The following FBXL13 variants were observed in gnomAD, a reference collection of about 807,000 sequenced individuals.
The protein encoded by FBXL13 is F-box and leucine rich repeat protein 13, also known as F-box and leucine-rich repeat protein 13.
In FBXL13, 67 loss-of-function variants were observed where a neutral mutation model predicts 83.6. The ratio of observed to expected loss-of-function variants is 0.80; its 90% CI spans 0.66 to 0.98. The LOEUF (loss-of-function observed/expected upper bound fraction) is 0.98. FBXL13 is among the 50% of genes least tolerant of loss of function. The probability of loss-of-function intolerance (pLI) is 0.00; values close to 1 mark genes in which losing one functional copy is unlikely to be tolerated. For missense variants in FBXL13, 822 were observed against 866.5 expected (o/e 0.95, Z 0.64); for synonymous variants, 272 against 299.5 (o/e 0.91, Z 0.95).
At chr7:103,025,259 T>C (rs188851962) in intron 5 of FBXL13, 29 bp from the exon 7 acceptor site, 5 of 1,457,528 alleles carry the variant, frequency 3.4e-6, no homozygotes, top group East Asian at 4.7e-5. Flanking sequence ...TAAAATTCCA[T>C]GGAATTGCTG....
At chr7:103,046,905 T>A (rs1391928366) in intron 2 of FBXL13, 1 of 152,262 alleles carries the variant, frequency 6.6e-6, no homozygotes, top group African/African-American at 2.4e-5. Context: ...CAAAGTTTTG[T>A]TGCAGTGTGG....
At chr7:102,885,340 A>T (rs372230839) in intron 11 of FBXL13, among the ~76,000 whole-genome samples, 1 of 151,962 alleles carries the variant, frequency 6.6e-6, no homozygotes, top group East Asian at 1.9e-4. Flanking sequence ...CTCCATTGTG[A>T]TTTTCATTTG....
chr7:102,942,192 T>TC, intron 8 of FBXL13: 1 of 849,556 alleles, frequency 1.2e-6, no homozygotes, highest in Non-Finnish European at 1.9e-6. Context: ...CCAAGCACTT[T>TC]CCTAGAACAA....
intron 8 of FBXL13, among the ~76,000 whole-genome samples, chr7:102,957,621 T>C (rs1384316274): frequency 3.3e-5 from 5 of 152,078 alleles, no homozygotes; most frequent in African/African-American, 1.2e-4. Context: ...GAGAAAATTT[T>C]TGCAATCTAC....
At chr7:102,837,610 T>C (rs1296925416) in intron 17 of FBXL13, among the ~76,000 whole-genome samples, 2 of 152,112 alleles carry the variant, frequency 1.3e-5, no homozygotes, top group African/African-American at 4.8e-5. Flanking sequence ...GGCTGGAGCA[T>C]AGCAGCATGA....
At chr7:102,886,007 T>G (rs1018945868) in intron 11 of FBXL13, among the ~76,000 whole-genome samples, 2 of 152,264 alleles carry the variant, frequency 1.3e-5, no homozygotes, top group Non-Finnish European at 2.9e-5. Context: ...AGTGCCATAC[T>G]GTTTCAATTA....
chr7:102,934,097 G>A (rs749093138), intron 8 of FBXL13: 3 of 1,614,144 alleles, frequency 1.9e-6, no homozygotes, highest in Non-Finnish European at 2.5e-6. Context: ...ATATCTCCAT[G>A]AGAAATACTT....
chr7:102,910,446 C>T (rs115248731), intron 11 of FBXL13, among the ~76,000 whole-genome samples: 2,390 of 150,960 alleles, frequency 0.016, 63 homozygotes, highest in African/African-American at 0.055. Flanking sequence ...GTGCTGTATG[C>T]GATGCCTGGG....
At chr7:102,966,463 A>G (rs1825974332) in intron 7 of FBXL13, among the ~76,000 whole-genome samples, 1 of 152,206 alleles carries the variant, frequency 6.6e-6, no homozygotes, top group South Asian at 2.1e-4. Context: ...TGGAAAACCT[A>G]CAAAGAAGAA....
At chr7:102,887,144 A>G (rs10271157) in intron 11 of FBXL13, among the ~76,000 whole-genome samples, 74,663 of 152,002 alleles carry the variant, frequency 0.49, 20,904 homozygotes, top group African/African-American at 0.78. Context: ...AGAAAAAGTT[A>G]ATTATATAAG....
intron 4 of FBXL13, 94 bp downstream of exon 5, chr7:103,028,506 G>T: frequency 1.2e-6 from 1 of 826,072 alleles, no homozygotes. Flanking sequence ...AAAATGATAG[G>T]TTCTCTAAGT....
chr7:102,985,421 G>T (rs1217472924), intron 6 of FBXL13, among the ~76,000 whole-genome samples: 1 of 152,180 alleles, frequency 6.6e-6, no homozygotes, highest in East Asian at 1.9e-4. Context: ...GATATTGTGG[G>T]AAGGTACAAA....
At chr7:103,057,583 T>G (rs1456849248) in intron 1 of FBXL13, among the ~76,000 whole-genome samples, 1 of 152,208 alleles carries the variant, frequency 6.6e-6, no homozygotes, top group East Asian at 1.9e-4. Flanking sequence ...ATCTACCGAG[T>G]ATATACATTT....
chr7:102,960,677 A>C (rs1241053138), intron 8 of FBXL13, among the ~76,000 whole-genome samples: 1 of 152,198 alleles, frequency 6.6e-6, no homozygotes, highest in East Asian at 1.9e-4. Context: ...AGGCTGGTTC[A>C]ATATATGCAA....
intron 5 of FBXL13, 106 bp downstream of exon 6, chr7:103,027,343 A>G: frequency 1.5e-6 from 1 of 680,220 alleles, no homozygotes; most frequent in East Asian, 2.7e-5. Context: ...AAAAGTAGAT[A>G]ATATTCAGGA....
intron 2 of FBXL13, among the ~76,000 whole-genome samples, chr7:103,051,111 T>G (rs1796767948): frequency 6.6e-6 from 1 of 152,216 alleles, no homozygotes; most frequent in Non-Finnish European, 1.5e-5. Flanking sequence ...GATCTCATTT[T>G]TACCTAAAAT....
intron 5 of FBXL13, among the ~76,000 whole-genome samples, chr7:103,026,343 T>C (rs1182118227): frequency 6.6e-6 from 1 of 151,622 alleles, no homozygotes; most frequent in Admixed American, 6.6e-5. Context: ...AGGGGGTGTA[T>C]AAGGGGGGAC....
chr7:102,963,609 C>T (rs762620545), exon 8 of FBXL13: 47 of 1,612,528 alleles, frequency 2.9e-5, no homozygotes, highest in Non-Finnish European at 3.8e-5. Context: ...GCCACCTTTG[C>T]AAAGTAGACA....
At chr7:102,878,254 G>C in intron 15 of FBXL13, 77 bp downstream of exon 16, 1 of 1,277,660 alleles carries the variant, frequency 7.8e-7, no homozygotes, top group Non-Finnish European at 1.0e-6. Flanking sequence ...TGAAATCTTT[G>C]CTTTTAGGTG....
Sources: allele counts gnomAD v4.1 joint callset (sites outside exome capture counted in the v4.1 genomes callset), GRCh38; gene constraint gnomAD v4.1.1; transcripts MANE v1.5; gene names NCBI Gene and HGNC (gene_info 2026-07-23, HGNC 2026-07-21).